MTERF3: variants seen among roughly 807,000 people sequenced by gnomAD.
The protein encoded by MTERF3 is transcription termination factor 3, mitochondrial.
Under a neutral mutation model 40.5 loss-of-function variants are expected in MTERF3, and 40 were observed. The ratio of observed to expected loss-of-function variants is 0.99; its 90% CI spans 0.77 to 1.29. The LOEUF (loss-of-function observed/expected upper bound fraction) is 1.29, where lower values mean the gene tolerates loss of function less well. Among genes scored for constraint, MTERF3 ranks in the 50% most tolerant of loss-of-function variants. The pLI is 0.00. For synonymous variants in MTERF3, 158 were observed against 166.6 expected (o/e 0.95, Z 0.40); for missense variants, 452 against 478.2 (o/e 0.95, Z 0.51).
intron 7 of MTERF3, among the ~76,000 whole-genome samples, chr8:96,241,732 A>G (rs1040211073): frequency 2.6e-5 from 4 of 152,056 alleles, no homozygotes; most frequent in Admixed American, 1.3e-4. Context: ...TGGCACAAAA[A>G]TTTCATCCTA....
At chr8:96,248,615 GT>G (rs981402915) in intron 4 of MTERF3, among the ~76,000 whole-genome samples, 2 of 152,046 alleles carry the variant, frequency 1.3e-5, no homozygotes, top group Non-Finnish European at 1.5e-5. Flanking sequence ...GGTATTACTT[GT>G]TTTTTTGGCA....
intron 1 of MTERF3, among the ~76,000 whole-genome samples, chr8:96,259,964 G>T (rs1280240148): frequency 6.6e-6 from 1 of 151,926 alleles, no homozygotes; most frequent in Non-Finnish European, 1.5e-5. Flanking sequence ...GAGTACAACG[G>T]CACCATCTTG....
In MTERF3 at chr8:96,258,547, G is replaced by C; in HGVS notation, c.144C>G (p.Ser48=). 2 of 1,614,174 alleles carry C rather than the reference G, an allele frequency of 1.2e-6. No homozygotes were observed. Among genetic ancestry groups the C allele is most frequent in the Non-Finnish European group, 1.7e-6 (2 of 1,180,004 alleles). Residue 48 remains serine, a synonymous_variant, in exon 2 of 8, where the codon TCC becomes TCG. Transcript: ENST00000287025. ...CCCACTGGAGAAAGCAATTGTCAGA[G>C]GATATCTGAGGCTGAGCAGAAAAGC... is the stretch of plus-strand genomic sequence containing the variant. The part of the protein sequence containing the change: ...LHGFSAQPQI[S]SDNCFLQWGF...
At chr8:96,247,330 T>G (rs1340965061) in intron 4 of MTERF3, among the ~76,000 whole-genome samples, 1 of 152,214 alleles carries the variant, frequency 6.6e-6, no homozygotes, top group Non-Finnish European at 1.5e-5. Flanking sequence ...TTTTGTCAAC[T>G]GAGAGATTTT....
chr8:96,250,924 A>C lies in MTERF3; in HGVS notation c.659T>G (p.Leu220Arg), dbSNP rs1810170841. Reference protein sequence around the residue: ...TKNHAIFSEDLENLKTRVAYL... With the variant: ...TKNHAIFSEDRENLKTRVAYL... ...GTCCTACCTGGTCTTCAGATTTTCA[A>C]GGTCTTCAGAGAAAATTGCATGATT... Residue 220 changes from leucine to arginine, a missense_variant, in exon 4 of 8, where the codon CTT becomes CGT. Transcript: ENST00000287025. 14 of 1,607,710 alleles carry C rather than the reference A, an allele frequency of 8.7e-6. No individual in the cohort carries two copies. Among genetic ancestry groups the C allele is most frequent in the Non-Finnish European group, 1.2e-5 (14 of 1,178,544 alleles).
intron 2 of MTERF3, chr8:96,257,364 C>T (rs1810300129): frequency 1.2e-5 from 4 of 326,818 alleles, no homozygotes; most frequent in Admixed American, 4.7e-5. Context: ...CTTTCCTTCA[C>T]TTAATCAGTA....
At chr8:96,246,715 G>A (rs1262125691) in intron 4 of MTERF3, among the ~76,000 whole-genome samples, 1 of 151,904 alleles carries the variant, frequency 6.6e-6, no homozygotes, top group Non-Finnish European at 1.5e-5. Flanking sequence ...TATTAGTTGC[G>A]GTTTTTGCCA....
In MTERF3 at chr8:96,258,693, T is replaced by TTCTTAG. The variant is rs750221986; in HGVS notation, c.-9_-4dup. 9 of 1,590,700 alleles carry TTCTTAG rather than the reference T, an allele frequency of 5.7e-6. No homozygotes were observed. In the South Asian group the frequency reaches 1.0e-4, roughly 18 times the overall value. ...ATCTGTTGGGCTGACAAAGCCATTT[T>TTCTTAG]TCTTAGTCTACAAAGGAAAGATATA... On this transcript the variant is annotated 5_prime_UTR_variant, in exon 2 of 8. Coordinates refer to ENST00000287025, the MANE Select transcript of MTERF3 (RefSeq NM_015942.5).
At chr8:96,243,660 T>C (rs1030030181) in intron 7 of MTERF3, among the ~76,000 whole-genome samples, 4 of 152,228 alleles carry the variant, frequency 2.6e-5, no homozygotes, top group Admixed American at 6.5e-5. Flanking sequence ...GGAAGTGATC[T>C]ATTCCAAAGT....
chr8:96,242,856 A>G (rs1809953539), intron 7 of MTERF3, among the ~76,000 whole-genome samples: 1 of 152,196 alleles, frequency 6.6e-6, no homozygotes, highest in Non-Finnish European at 1.5e-5. Context: ...CCCAATGTGT[A>G]GCACTGATGG....
At chr8:96,246,285 C>G in intron 5 of MTERF3, 22 bp downstream of exon 5, 1 of 1,576,810 alleles carries the variant, frequency 6.3e-7, no homozygotes, top group Non-Finnish European at 8.6e-7. Flanking sequence ...TGGAAATAAA[C>G]AAATTCTCTC....
intron 4 of MTERF3, 37 bp from the exon 5 acceptor site, chr8:96,246,491 C>T (rs1878638): frequency 0.45 from 684,936 of 1,518,506 alleles, 157,428 homozygotes; most frequent in African/African-American, 0.53. Flanking sequence ...GTGATAAACA[C>T]TTACATTCTT....
intron 7 of MTERF3, among the ~76,000 whole-genome samples, chr8:96,240,059 C>A (rs1809894533): frequency 6.6e-6 from 1 of 152,052 alleles, no homozygotes. Context: ...ACAAGCCTGG[C>A]CAACATGGCA....
chr8:96,252,078 C>G (rs1810196132), intron 3 of MTERF3, among the ~76,000 whole-genome samples: 1 of 152,200 alleles, frequency 6.6e-6, no homozygotes, highest in African/African-American at 2.4e-5. Context: ...CTTCTCTTGG[C>G]TGCTGCCACG....
intron 5 of MTERF3, 148 bp from the exon 6 acceptor site, chr8:96,246,079 A>T: frequency 2.4e-6 from 2 of 841,540 alleles, no homozygotes; most frequent in Non-Finnish European, 3.6e-6. Flanking sequence ...AGATAAGATT[A>T]ATACTGTTTG....
In MTERF3 at chr8:96,245,912, C is replaced by G. The variant is rs757226262; in HGVS notation, c.845G>C (p.Arg282Pro). 1.2e-6 allele frequency: 2 copies of G among 1,613,870 alleles called. No homozygotes were observed. The highest frequency in any genetic ancestry group is 3.3e-5 in the Admixed American group (2 of 59,994). Residue 282 changes from arginine to proline, a missense_variant, in exon 6 of 8, where the codon CGT (arginine) becomes CCT (proline). Transcript: ENST00000287025. Reference protein sequence around the residue: ...SVKKTRDLVVRLPRLLTGSLE... With the variant: ...SVKKTRDLVVPLPRLLTGSLE... ...ACTTCCAGTTAGCAGCCTTGGGAGA[C>G]GAACTACCAGATCTCTAGTCTGTGG...
At chr8:96,249,301 A>G (rs1053927869) in intron 4 of MTERF3, among the ~76,000 whole-genome samples, 1 of 152,204 alleles carries the variant, frequency 6.6e-6, no homozygotes, top group Non-Finnish European at 1.5e-5. Flanking sequence ...CAGCGTGTGA[A>G]ATGATCCCTA....
At chr8:96,256,251 T>C (rs936873814) in intron 3 of MTERF3, among the ~76,000 whole-genome samples, 1 of 152,174 alleles carries the variant, frequency 6.6e-6, no homozygotes, top group Non-Finnish European at 1.5e-5. Flanking sequence ...AAGGCAGCTA[T>C]AGAGTAGGCC....
intron 3 of MTERF3, 39 bp downstream of exon 3, chr8:96,256,923 A>C (rs1810288830): frequency 1.3e-6 from 2 of 1,554,294 alleles, no homozygotes; most frequent in Non-Finnish European, 1.7e-6. Context: ...AGTAATGAAG[A>C]GTACATGCAA....
Sources: gnomAD v4.1 joint callset for allele counts (sites outside exome capture counted in the v4.1 genomes callset) on GRCh38, gnomAD v4.1.1 for gene constraint, MANE v1.5 for transcripts, NCBI Gene and HGNC (gene_info 2026-07-23, HGNC 2026-07-21) for gene names.